The following RDX variants were observed in gnomAD, a reference collection of about 807,000 sequenced individuals.
RDX encodes the protein deafness, autosomal recessive 24.
RDX carries 32 observed loss-of-function variants against 83.7 expected under a neutral mutation model. The ratio of observed to expected loss-of-function variants is 0.38; its 90% CI spans 0.29 to 0.51. The LOEUF is 0.51. Ranked by LOEUF, RDX falls within the 20% of genes least tolerant of loss-of-function variation. RDX has a pLI of 0.87. For synonymous variants in RDX, 229 were observed against 222.7 expected (o/e 1.03, Z -0.25); for missense variants, 600 against 689.9 (o/e 0.87, Z 1.46).
At position 110,257,689 on chromosome 11, in the gene RDX, T is replaced by C. The variant is rs185924142; in HGVS notation, c.698+78A>G. 35 of 1,471,912 alleles carry C rather than the reference T, an allele frequency of 2.4e-5. No individual in the cohort carries two copies. The East Asian group carries it at 3.9e-4, about 16-fold the overall frequency. The allele number at this position is 1,471,912 out of a possible 1,614,324, so 91.2% of individuals were successfully genotyped here. A position where few individuals can be genotyped will look rare whatever the true frequency, so the allele number is the denominator to read the frequency against. The stretch of plus-strand genomic sequence containing the variant: ...AGGGTAATCAAGACAAGAAACTACT[T>C]TGAAAAACAGGACATAAGATTAACG... On this transcript the variant is annotated intron_variant, in intron 7 of 13. Transcript: ENST00000645495.
At chr11:110,290,677 T>C (rs768915536) in intron 1 of RDX, among the ~76,000 whole-genome samples, 4 of 152,194 alleles carry the variant, frequency 2.6e-5, no homozygotes, top group Non-Finnish European at 5.9e-5. Context: ...CTTAAAGCAG[T>C]GGTCGGCAAA....
chr11:110,235,423 C>T (rs570055560), intron 12 of RDX, among the ~76,000 whole-genome samples: 22 of 152,238 alleles, frequency 1.4e-4, no homozygotes, highest in Non-Finnish European at 2.8e-4. Context: ...CTTATATCTT[C>T]CCATTCCTCT....
intron 5 of RDX, among the ~76,000 whole-genome samples, chr11:110,263,617 T>G (rs989217827): frequency 1.3e-5 from 2 of 151,192 alleles, no homozygotes; most frequent in African/African-American, 4.9e-5. Flanking sequence ...TCCCAGCACT[T>G]TGGGAGGCTG....
rs113127815 is a variant in RDX at position 110,242,457 on chromosome 11, T to A, written c.1091-4805A>T. 2.0e-3 allele frequency among the ~76,000 whole-genome samples: 292 copies of A among 143,232 alleles called. 3 individuals are homozygous for A. The highest frequency in any genetic ancestry group is 7.3e-3 in the African/African-American group (285 of 38,812). 94.0% of individuals were successfully genotyped at this position (143,232 alleles called of 152,430 possible). A position where few individuals can be genotyped will look rare whatever the true frequency, so the allele number is the denominator to read the frequency against. ...CTCAAAAAATTTAAAAAAAAAAAAA[T>A]TAAAAAAAAAAAAAGCCAAAAACCT... On this transcript the variant is annotated intron_variant, in intron 10 of 13. Transcript: ENST00000645495.
At chr11:110,244,433 G>T (rs1217803980) in intron 10 of RDX, among the ~76,000 whole-genome samples, 1 of 142,540 alleles carries the variant, frequency 7.0e-6, no homozygotes, top group Non-Finnish European at 1.5e-5. Context: ...CGAAACTTTA[G>T]AATATTATGT....
At chr11:110,215,995 C>G (rs935250906) in intron 14 of RDX, among the ~76,000 whole-genome samples, 2 of 152,184 alleles carry the variant, frequency 1.3e-5, no homozygotes, top group Non-Finnish European at 2.9e-5. Flanking sequence ...ACTTCCATCC[C>G]TGCACCTCTG....
intron 5 of RDX, among the ~76,000 whole-genome samples, chr11:110,259,594 G>C (rs1229633158): frequency 1.3e-5 from 2 of 152,058 alleles, no homozygotes; most frequent in Admixed American, 1.3e-4. Context: ...CTTTCTCTAG[G>C]CATCTTTTCC....
chr11:110,191,325 G>C (rs866614282), intron 15 of RDX, among the ~76,000 whole-genome samples: 13 of 152,288 alleles, frequency 8.5e-5, no homozygotes, highest in South Asian at 2.1e-4. Flanking sequence ...AAACAAAAAT[G>C]ATATGATTAT....
chr11:110,289,979 A>AAAAAAAAAAAAAAAAAC (rs1555049799), intron 1 of RDX, among the ~76,000 whole-genome samples: 7 of 144,620 alleles, frequency 4.8e-5, no homozygotes, highest in African/African-American at 1.9e-4. Context: ...AAAAAAAAAA[A>AAAAAAAAAAAAAAAAAC]AAACAAGGGT....
In RDX at chr11:110,262,523, G is replaced by A. The variant is rs772738748; in HGVS notation, c.467+1437C>T. 2.0e-5 allele frequency among the ~76,000 whole-genome samples: 3 copies of A among 151,764 alleles called. No homozygotes were observed. In the East Asian group the frequency reaches 5.8e-4, roughly 29 times the overall value. On this transcript the variant is annotated intron_variant, in intron 5 of 13. Transcript: ENST00000645495. Reference sequence around the variant, plus strand: ...GAATCGCTTGAATCCGGGAGGCGGAGGTTGCAGTGAGCCGAGATCGTGCCA... The same window carrying A: ...GAATCGCTTGAATCCGGGAGGCGGAAGTTGCAGTGAGCCGAGATCGTGCCA...
intron 1 of RDX, among the ~76,000 whole-genome samples, chr11:110,294,120 G>A (rs181263054): frequency 6.6e-6 from 1 of 152,368 alleles, no homozygotes; most frequent in East Asian, 1.9e-4. Context: ...CTGGCCGGGC[G>A]CAGCGGCTCA....
chr11:110,208,604 T>C (rs1863690420), intron 14 of RDX, among the ~76,000 whole-genome samples: 1 of 152,190 alleles, frequency 6.6e-6, no homozygotes, highest in African/African-American at 2.4e-5. Context: ...CCTCTAGATT[T>C]TGAATATTTC....
intron 15 of RDX, among the ~76,000 whole-genome samples, chr11:110,195,277 A>G (rs1320823372): frequency 6.6e-6 from 1 of 152,164 alleles, no homozygotes; most frequent in African/African-American, 2.4e-5. Flanking sequence ...GTGACTGTTA[A>G]TGCAGCTGAC....
chr11:110,213,046 G>A (rs1352273913), intron 14 of RDX, among the ~76,000 whole-genome samples: 3 of 150,154 alleles, frequency 2.0e-5, no homozygotes, highest in Non-Finnish European at 3.0e-5. Context: ...AAGTCAAATT[G>A]TCCCTGTTTG....
chr11:110,207,754 C>T (rs1388887347), intron 14 of RDX, among the ~76,000 whole-genome samples: 1 of 152,090 alleles, frequency 6.6e-6, no homozygotes, highest in Non-Finnish European at 1.5e-5. Context: ...TGCTTATGCA[C>T]TACAACAGCA....
chr11:110,246,240 T>A (rs1171677709), intron 10 of RDX, among the ~76,000 whole-genome samples: 1 of 152,178 alleles, frequency 6.6e-6, no homozygotes, highest in African/African-American at 2.4e-5. Flanking sequence ...TTTCTAATCC[T>A]CTTGGAATTG....
At chr11:110,179,727 A>C (rs1210257514) in intron 15 of RDX, 1 of 237,630 alleles carries the variant, frequency 4.2e-6, no homozygotes, top group African/African-American at 2.3e-5. Context: ...AGCCAAGATC[A>C]TACCACTGTA....
chr11:110,198,820 C>CTT (rs34948055), intron 15 of RDX, among the ~76,000 whole-genome samples: 4 of 146,960 alleles, frequency 2.7e-5, no homozygotes, highest in Non-Finnish European at 6.0e-5. Context: ...CTGAATACGT[C>CTT]TTTTTTTTTT....
chr11:110,281,959 CCAAA>C (rs1248047203), intron 1 of RDX, among the ~76,000 whole-genome samples: 2 of 125,752 alleles, frequency 1.6e-5, no homozygotes, highest in Admixed American at 7.8e-5. Flanking sequence ...AAAAAAAAAA[CCAAA>C]CAAACAAAAA....
Sources: allele counts gnomAD v4.1 joint callset (sites outside exome capture counted in the v4.1 genomes callset), GRCh38; gene constraint gnomAD v4.1.1; transcripts MANE v1.5; gene names NCBI Gene and HGNC (gene_info 2026-07-23, HGNC 2026-07-21).